The following PRDM10 variants were observed in gnomAD, a reference collection of about 807,000 sequenced individuals.
PRDM10 encodes the protein PR domain zinc finger protein 10.
A neutral mutation model predicts 133.1 loss-of-function variants in PRDM10; 65 were observed. That is an observed-to-expected ratio of 0.49 (90% CI 0.40 to 0.60). The LOEUF (loss-of-function observed/expected upper bound fraction) is 0.60, where lower values mean the gene tolerates loss of function less well. Among genes scored for constraint, PRDM10 ranks in the 20% least tolerant of loss-of-function variants. The pLI, the probability that PRDM10 is intolerant of heterozygous loss-of-function variation, is 0.00. For synonymous variants in PRDM10, 582 were observed against 580.4 expected (o/e 1.00, Z -0.04); for missense variants, 1,137 against 1,507.1 (o/e 0.75, Z 4.07).
rs764057586 is a variant in PRDM10 at position 129,915,681 on chromosome 11, G to A, written c.2505C>T (p.Cys835=). ...CTACCTTGCTGCTGTACTGCTTGGAGCAGTGGGGACAGCAGACGGGAGGGG... is the reference window on the plus strand; with the variant it reads ...CTACCTTGCTGCTGTACTGCTTGGAACAGTGGGGACAGCAGACGGGAGGGG... ...IATPPVCCPH[C]SKQYSSKTKM... The change falls in exon 16 of 21, where the codon TGC becomes TGT. Residue 835 remains cysteine (C), a synonymous_variant. Transcript: ENST00000360871. 3 of 1,612,130 alleles carry A rather than the reference G, an allele frequency of 1.9e-6. No homozygotes were observed. Among genetic ancestry groups the A allele is most frequent in the South Asian group, 2.2e-5 (2 of 90,892 alleles).
In PRDM10 at chr11:129,957,761, C is replaced by G. The variant is rs745409775; in HGVS notation, c.219G>C (p.Pro73=). Residue 73 remains proline (P), a synonymous_variant, in exon 3 of 21, where the codon CCG becomes CCC. Coordinates refer to ENST00000360871, the MANE Select transcript of PRDM10 (RefSeq NM_199437.2). ...GPEHTLVYIH[P]VEAAQTLFTD... ...CTTCACATGCCTGTGCAGCTTCCAC[C>G]GGGTGGATGTACACCAGCGTGTGCT... The G allele has an allele frequency of 5.6e-6, 9 of 1,611,658 alleles. No homozygotes were observed. The highest frequency in any genetic ancestry group is 7.6e-6 in the Non-Finnish European group (9 of 1,178,556).
intron 1 of PRDM10, among the ~76,000 whole-genome samples, chr11:129,988,197 A>C (rs1457215716): frequency 2.0e-5 from 3 of 152,190 alleles, no homozygotes; most frequent in Non-Finnish European, 4.4e-5. Flanking sequence ...GTGGTTGCCT[A>C]GGGATTAGGA....
intron 1 of PRDM10, among the ~76,000 whole-genome samples, chr11:129,966,186 GT>G (rs1466025651): frequency 5.9e-5 from 9 of 152,196 alleles, no homozygotes; most frequent in African/African-American, 2.2e-4. Flanking sequence ...GAATGTTGCA[GT>G]GAGCCAAGAT....
In PRDM10 at chr11:129,932,048, T is replaced by A. The variant is rs1425141211; in HGVS notation, c.1287+54A>T. 13 of 1,574,312 alleles carry A rather than the reference T, an allele frequency of 8.3e-6. 1 individual carries two copies. The East Asian group carries it at 3.0e-4, about 36-fold the overall frequency. On this transcript the variant is annotated intron_variant, in intron 10 of 20. Coordinates refer to ENST00000360871, the MANE Select transcript of PRDM10 (RefSeq NM_199437.2). ...TTGTACTTAGGTCTCGTCAGGGATC[T>A]GGCGAGTCCTCCACACAAGCACCTA...
chr11:129,913,406 T>C (rs1323497621), intron 17 of PRDM10, among the ~76,000 whole-genome samples: 1 of 152,090 alleles, frequency 6.6e-6, no homozygotes, highest in Non-Finnish European at 1.5e-5. Flanking sequence ...ACTATTAGAT[T>C]CTGGAAGAGA....
chr11:129,930,258 C>T (rs543305004), intron 11 of PRDM10, among the ~76,000 whole-genome samples: 1 of 152,336 alleles, frequency 6.6e-6, no homozygotes, highest in South Asian at 2.1e-4. Context: ...ATGCACTCAG[C>T]TGCCATAAAC....
At chr11:129,944,584 CA>C (rs36041173) in intron 6 of PRDM10, among the ~76,000 whole-genome samples, 186 bp downstream of exon 6, 26,112 of 109,204 alleles carry the variant, frequency 0.24, 3,075 homozygotes, top group East Asian at 0.49. Context: ...GACTCCGTCT[CA>C]AAAAAAAAAA....
intron 14 of PRDM10, among the ~76,000 whole-genome samples, chr11:129,917,881 A>G (rs1324048245): frequency 6.6e-5 from 10 of 152,216 alleles, no homozygotes; most frequent in African/African-American, 9.6e-5. Context: ...CTGTAATCCC[A>G]GCATTCTGGG....
At position 129,923,205 on chromosome 11, in the gene PRDM10, A is replaced by T. The variant is rs1167157287; in HGVS notation, c.2034+43T>A. Reference sequence around the variant, plus strand: ...TTTACCCTCAGCTTGCTATAATTCCAGTGGCCACGAGAACCACCTTGGGCT... The same window carrying T: ...TTTACCCTCAGCTTGCTATAATTCCTGTGGCCACGAGAACCACCTTGGGCT... On this transcript the variant is annotated intron_variant, in intron 13 of 20. Transcript: ENST00000360871. The surrounding 1 kb of genome is among the most constrained non-coding windows in gnomAD (Gnocchi z 4.4). 1 of 1,515,394 alleles carries T rather than the reference A, an allele frequency of 6.6e-7. No individual in the cohort carries two copies. The highest frequency in any genetic ancestry group is 8.9e-7 in the Non-Finnish European group (1 of 1,128,198). 93.9% of individuals were successfully genotyped at this position (1,515,394 alleles called of 1,614,324 possible).
chr11:129,947,552 T>G lies in PRDM10; in HGVS notation c.295-182A>C. 6.9e-7 allele frequency: 1 copy of G among 1,459,006 alleles called. No homozygotes were observed. Among genetic ancestry groups the G allele is most frequent in the Non-Finnish European group, 9.0e-7 (1 of 1,109,954 alleles). 90.4% of individuals were successfully genotyped at this position (1,459,006 alleles called of 1,614,324 possible). On this transcript the variant is annotated intron_variant, in intron 4 of 20. Coordinates refer to ENST00000360871, the MANE Select transcript of PRDM10 (RefSeq NM_199437.2). This position sits in a 1 kb window ranked among gnomAD's most constrained non-coding sequence, Gnocchi z 4.6. ...TGTGAGGAAGAGCTGGCTTCATTTTTGATCTGACTGCTCACAGCCTTTAAG... is the reference window on the plus strand; with the variant it reads ...TGTGAGGAAGAGCTGGCTTCATTTTGGATCTGACTGCTCACAGCCTTTAAG...
At position 129,914,927 on chromosome 11, in the gene PRDM10, C is replaced by A. The variant is rs748149601; in HGVS notation, c.2618G>T (p.Ser873Ile). Residue 873 changes from serine (S) to isoleucine (I), a missense_variant, in exon 17 of 21, where the codon AGT becomes ATT. Ser to Ile is a moderately radical substitution (Grantham distance 142). Coordinates refer to ENST00000360871, the MANE Select transcript of PRDM10 (RefSeq NM_199437.2). ...IHTPLTTAVI[S>I]ATPAVLTTDS... Reference sequence around the variant, plus strand: ...TGTAGTCAAAACCGCTGGGGTGGCACTGATCACAGCTGTCGTCAGTGGTGT... The same window carrying A: ...TGTAGTCAAAACCGCTGGGGTGGCAATGATCACAGCTGTCGTCAGTGGTGT... The A allele has an allele frequency of 1.2e-6, 2 of 1,614,036 alleles. No homozygotes were observed. Among genetic ancestry groups the A allele is most frequent in the Non-Finnish European group, 1.7e-6 (2 of 1,180,026 alleles).
chr11:129,902,389 T>C lies in PRDM10; in HGVS notation c.3395A>G (p.Gln1132Arg). ...GGTGATGATGTACTGTGTGGTCTGCTGTTGGCTGTTGGTCTGGGGGTCCAG... is the reference window on the plus strand; with the variant it reads ...GGTGATGATGTACTGTGTGGTCTGCCGTTGGCTGTTGGTCTGGGGGTCCAG... ...DSLDPQTNSQ[Q>R]QTTQYIITTT... Residue 1132 changes from glutamine (Q) to arginine (R), a missense_variant, in exon 21 of 21, where the codon CAG (glutamine) becomes CGG (arginine). Coordinates refer to ENST00000360871, the MANE Select transcript of PRDM10 (RefSeq NM_199437.2). 2 of 1,614,188 alleles carry C rather than the reference T, an allele frequency of 1.2e-6. No individual in the cohort carries two copies. The highest frequency in any genetic ancestry group is 1.7e-6 in the Non-Finnish European group (2 of 1,180,004).
chr11:129,955,842 G>T (rs907542904), intron 3 of PRDM10, among the ~76,000 whole-genome samples: 1 of 152,172 alleles, frequency 6.6e-6, no homozygotes. Flanking sequence ...CCTTTCTTGG[G>T]ACTGAATGTC....
chr11:129,958,751 G>A (rs1045050767), intron 2 of PRDM10, among the ~76,000 whole-genome samples: 1 of 152,202 alleles, frequency 6.6e-6, no homozygotes, highest in Non-Finnish European at 1.5e-5. Context: ...ATCAATGAAT[G>A]GAATAGAACT....
At chr11:129,917,106 A>G (rs756296371) in intron 15 of PRDM10, 21 bp downstream of exon 15, 1 of 1,555,558 alleles carries the variant, frequency 6.4e-7, no homozygotes, top group East Asian at 2.2e-5. Context: ...TGGCATACCA[A>G]TATGAATATT....
chr11:129,917,171 T>C lies in PRDM10; in HGVS notation c.2281A>G (p.Ile761Val). Residue 761 changes from isoleucine to valine, a missense_variant, in exon 15 of 21, where the codon ATC becomes GTC. This residue lies in a region of PRDM10 where 65 missense variants were observed against 151.1 expected (regional missense o/e 0.43). Coordinates refer to ENST00000360871, the MANE Select transcript of PRDM10 (RefSeq NM_199437.2). ...AAGTAATCACGATTGGGTTTTATGA[T>C]GGGTAGAGTTAACTCTGGCACCTCT... ...IEEVPELTLP[I>V]IKPNRDYFCQ... 1 of 1,613,820 alleles carries C rather than the reference T, an allele frequency of 6.2e-7. No homozygotes were observed. The highest frequency in any genetic ancestry group is 8.5e-7 in the Non-Finnish European group (1 of 1,179,704).
At chr11:129,941,436 T>A (rs1408284901) in intron 7 of PRDM10, among the ~76,000 whole-genome samples, 1 of 152,228 alleles carries the variant, frequency 6.6e-6, no homozygotes, top group Non-Finnish European at 1.5e-5. Context: ...TAGGATCCTT[T>A]GAGTAAAACA....
At chr11:129,931,980 A>T in intron 10 of PRDM10, 122 bp downstream of exon 10, 1 of 1,248,462 alleles carries the variant, frequency 8.0e-7, no homozygotes, top group Non-Finnish European at 1.1e-6. Flanking sequence ...ATTAACAGGC[A>T]GCAAGGTCTG....
chr11:129,953,243 G>T (rs988484624), intron 4 of PRDM10, among the ~76,000 whole-genome samples: 1 of 152,130 alleles, frequency 6.6e-6, no homozygotes, highest in African/African-American at 2.4e-5. Context: ...TTCCCAAAGT[G>T]CTGGGATAAC....
Sources: gnomAD v4.1 joint callset for allele counts (sites outside exome capture counted in the v4.1 genomes callset) on GRCh38, gnomAD v4.1.1 for gene constraint, gnomAD v4.1.1 regional missense constraint, Gnocchi (gnomAD v3.1) non-coding constraint, MANE v1.5 for transcripts, NCBI Gene and HGNC (gene_info 2026-07-23, HGNC 2026-07-21) for gene names.